C18orf63: variants seen among roughly 807,000 people sequenced by gnomAD.
C18orf63 encodes chromosome 18 open reading frame 63.
A neutral mutation model predicts 75.3 loss-of-function variants in C18orf63; 50 were observed. The observed-to-expected ratio is 0.66, with a 90% CI of 0.53 to 0.84. The LOEUF (loss-of-function observed/expected upper bound fraction) is 0.84. Among genes scored for constraint, C18orf63 ranks in the 40% least tolerant of loss-of-function variants. The pLI, the probability that C18orf63 is intolerant of heterozygous loss-of-function variation, is 0.00. For missense variants in C18orf63, 732 were observed against 800.2 expected, an observed-to-expected ratio of 0.91 and a Z score of 1.03; for synonymous variants, 232 against 267.6, an observed-to-expected ratio of 0.87 and a Z score of 1.30.
At chr18:74,344,453 A>C (rs1187731621) in intron 11 of C18orf63, among the ~76,000 whole-genome samples, 1 of 148,432 alleles carries the variant, frequency 6.7e-6, no homozygotes, top group Non-Finnish European at 1.5e-5. Flanking sequence ...ATGAATATCA[A>C]ACGTCCATGT....
intron 7 of C18orf63, among the ~76,000 whole-genome samples, 180 bp downstream of exon 7, chr18:74,331,122 C>T (rs1262475602): frequency 6.6e-6 from 1 of 152,020 alleles, no homozygotes; most frequent in Non-Finnish European, 1.5e-5. Flanking sequence ...ATCTGCTTCC[C>T]CAAAGAAAAT....
In C18orf63 at chr18:74,330,946, C is replaced by A; in HGVS notation, c.501+4C>A. ...AATCAGACTGCCAGCACCTGAGGTACCATATATTGTGATTTCTATACTTTA... is the reference window on the plus strand; with the variant it reads ...AATCAGACTGCCAGCACCTGAGGTAACATATATTGTGATTTCTATACTTTA... On this transcript the variant is annotated splice_donor_region_variant and intron_variant, in intron 7 of 13. Transcript: ENST00000579455. 7.4e-7 allele frequency: 1 copy of A among 1,351,050 alleles called. No homozygotes were observed. Among genetic ancestry groups the A allele is most frequent in the Non-Finnish European group, 9.9e-7 (1 of 1,012,992 alleles). The allele number at this position is 1,351,050 out of a possible 1,614,324, so 83.7% of individuals were successfully genotyped here.
chr18:74,348,128 CA>C (rs888772151), intron 11 of C18orf63, among the ~76,000 whole-genome samples: 4 of 151,430 alleles, frequency 2.6e-5, no homozygotes, highest in Admixed American at 6.6e-5. Context: ...AATCAGAATC[CA>C]AAAAAAAGTC....
intron 4 of C18orf63, among the ~76,000 whole-genome samples, chr18:74,327,272 A>G (rs1984224847): frequency 1.3e-5 from 2 of 152,198 alleles, no homozygotes; most frequent in African/African-American, 4.8e-5. Flanking sequence ...ACCTAGACCC[A>G]TTTAGATTAA....
At chr18:74,344,780 CATTTT>C (rs1984545734) in intron 11 of C18orf63, among the ~76,000 whole-genome samples, 1 of 151,986 alleles carries the variant, frequency 6.6e-6, no homozygotes, top group South Asian at 2.1e-4. Context: ...TTATATGTAG[CATTTT>C]ATTATGTGAT....
chr18:74,339,713 G>A (rs2145125120), intron 8 of C18orf63, among the ~76,000 whole-genome samples: 1 of 152,264 alleles, frequency 6.6e-6, no homozygotes, highest in South Asian at 2.1e-4. Flanking sequence ...GTTGCTGTAT[G>A]CAGGTGACAT....
intron 2 of C18orf63, among the ~76,000 whole-genome samples, chr18:74,320,175 G>A (rs1179683303): frequency 6.6e-6 from 1 of 152,186 alleles, no homozygotes; most frequent in Non-Finnish European, 1.5e-5. Flanking sequence ...AAGAAAAGAG[G>A]TTTAATTGAC....
At chr18:74,355,730 G>T (rs1232749241) in intron 13 of C18orf63, among the ~76,000 whole-genome samples, 2 of 152,022 alleles carry the variant, frequency 1.3e-5, no homozygotes, top group East Asian at 3.9e-4. Flanking sequence ...TACCAGCTTG[G>T]GCAACATGGC....
Position 74,354,522 on chromosome 18 carries a change from C to T in C18orf63, c.*9C>T, listed in dbSNP as rs1284124631. The T allele has an allele frequency of 8.5e-6, 12 of 1,411,788 alleles. No homozygotes were observed. The highest frequency in any genetic ancestry group is 1.1e-5 in the Non-Finnish European group (11 of 1,042,832). 87.5% of individuals were successfully genotyped at this position (1,411,788 alleles called of 1,614,324 possible). ...TCATTCATAATGCTTAGAACATGGA[C>T]CTGAAAGAAGGAAATGTCTACCAGG... is the stretch of plus-strand genomic sequence containing the variant. On this transcript the variant is annotated 3_prime_UTR_variant, in exon 13 of 14. Coordinates refer to ENST00000579455, the MANE Select transcript of C18orf63 (RefSeq NM_001174123.2).
At chr18:74,327,313 T>C (rs990109368) in intron 4 of C18orf63, among the ~76,000 whole-genome samples, 3 of 152,182 alleles carry the variant, frequency 2.0e-5, no homozygotes, top group African/African-American at 7.2e-5. Flanking sequence ...CAGGAAGGTC[T>C]TCAGGACTCA....
intron 4 of C18orf63, among the ~76,000 whole-genome samples, chr18:74,324,480 G>T (rs374973066): frequency 6.6e-6 from 1 of 152,104 alleles, no homozygotes; most frequent in African/African-American, 2.4e-5. Context: ...TATAGTTTTA[G>T]CAATAGCCAA....
chr18:74,336,629 C>G (rs1442335433), intron 7 of C18orf63, among the ~76,000 whole-genome samples: 1 of 152,026 alleles, frequency 6.6e-6, no homozygotes, highest in Non-Finnish European at 1.5e-5. Flanking sequence ...GCCTATACAC[C>G]AGTACCTCCC....
intron 6 of C18orf63, among the ~76,000 whole-genome samples, chr18:74,330,269 C>A (rs931889760): frequency 1.3e-5 from 2 of 152,098 alleles, no homozygotes; most frequent in South Asian, 2.1e-4. Context: ...TTCTTGTAAC[C>A]ATTTCTCAGA....
intron 10 of C18orf63, 148 bp from the exon 11 acceptor site, chr18:74,343,371 T>C: frequency 8.6e-6 from 4 of 463,664 alleles, no homozygotes. Flanking sequence ...CTTTCATCTG[T>C]GGATGGTATC....
At chr18:74,354,569 AT>A in intron 13 of C18orf63, 23 bp downstream of exon 13, 2 of 1,153,204 alleles carry the variant, frequency 1.7e-6, no homozygotes, top group African/African-American at 1.6e-5. Flanking sequence ...ATAGCTTTTG[AT>A]TTGTTTTTAC....
intron 8 of C18orf63, among the ~76,000 whole-genome samples, chr18:74,339,682 T>A (rs1225882319): frequency 6.6e-6 from 1 of 152,096 alleles, no homozygotes; most frequent in Non-Finnish European, 1.5e-5. Context: ...GCATCCAACT[T>A]GTAAAGGAAG....
At chr18:74,355,869 G>A (rs1460891134) in intron 13 of C18orf63, among the ~76,000 whole-genome samples, 1 of 152,154 alleles carries the variant, frequency 6.6e-6, no homozygotes, top group Admixed American at 6.5e-5. Flanking sequence ...TTGCACTCCA[G>A]CCTGGGTGAC....
rs1175648433 is a variant in C18orf63, at chr18:74,353,282, A to G, written c.1015A>G (p.Lys339Glu). 1.3e-6 allele frequency: 2 copies of G among 1,536,178 alleles called. No individual in the cohort carries two copies. The highest frequency in any genetic ancestry group is 1.4e-5 in the African/African-American group (1 of 72,994). Residue 339 changes from lysine (K) to glutamate (E), a missense_variant, in exon 12 of 14, where the codon AAA (lysine) becomes GAA (glutamate). Transcript: ENST00000579455. ...CAAGCCACCCAATTTGACCACTAAA[A>G]AAATGCTTAGGGCATCTCTGACTCA... The part of the protein sequence containing the change: ...KVKPPNLTTK[K>E]MLRASLTQAT...
intron 6 of C18orf63, among the ~76,000 whole-genome samples, chr18:74,329,906 G>A (rs1984275265): frequency 6.6e-6 from 1 of 152,070 alleles, no homozygotes; most frequent in Non-Finnish European, 1.5e-5. Flanking sequence ...ATCAATCATG[G>A]TAGCTTTTCA....
Sources: gnomAD v4.1 joint callset for allele counts (sites outside exome capture counted in the v4.1 genomes callset) on GRCh38, gnomAD v4.1.1 for gene constraint, MANE v1.5 for transcripts, NCBI Gene and HGNC (gene_info 2026-07-23, HGNC 2026-07-21) for gene names.